GPHN: variants seen among roughly 807,000 people sequenced by gnomAD.
The protein encoded by GPHN is gephyrin.
GPHN carries 17 observed loss-of-function variants against 95.5 expected under a neutral mutation model. The observed-to-expected ratio is 0.18, with a 90% CI of 0.12 to 0.27. GPHN has a LOEUF of 0.27. GPHN is among the 10% of genes least tolerant of loss of function. GPHN has a pLI of 1.00. For synonymous variants in GPHN, 320 were observed against 322.5 expected (o/e 0.99, Z 0.08); for missense variants, 660 against 978.1 (o/e 0.67, Z 4.34).
At chr14:66,679,418 G>T (rs944205689) in intron 1 of GPHN, among the ~76,000 whole-genome samples, 1 of 151,914 alleles carries the variant, frequency 6.6e-6, no homozygotes, top group African/African-American at 2.4e-5. Context: ...GTTGGTTGTG[G>T]TTTTTTTCAC....
intron 17 of GPHN, among the ~76,000 whole-genome samples, chr14:67,134,149 G>T (rs1198851243): frequency 6.6e-6 from 1 of 152,162 alleles, no homozygotes; most frequent in African/African-American, 2.4e-5. Context: ...CACCCAAGGG[G>T]GTGTTAAGGA....
rs1337335899 is a variant in GPHN, at chr14:66,508,493, C to T, written c.-35C>T. Reference sequence around the variant, plus strand: ...GCGCGCTCCGGGCTCCGGTTTCTCCCGGCTCCTGTCAGTGCGGTGACTGCG... The same window carrying T: ...GCGCGCTCCGGGCTCCGGTTTCTCCTGGCTCCTGTCAGTGCGGTGACTGCG... On this transcript the variant is annotated 5_prime_UTR_variant, in exon 1 of 23. Transcript: ENST00000478722. 5 of 1,606,756 alleles carry T rather than the reference C, an allele frequency of 3.1e-6. No individual in the cohort carries two copies. The Admixed American group carries it at 5.0e-5, about 16-fold the overall frequency.
chr14:66,965,864 G>A (rs2069288365), intron 9 of GPHN, among the ~76,000 whole-genome samples: 1 of 141,910 alleles, frequency 7.0e-6, no homozygotes, highest in Admixed American at 7.1e-5. Context: ...TGGGAAGAGG[G>A]TAGAAGTTTC....
rs2072959773 is a variant in GPHN at position 66,743,314 on chromosome 14, A to G, written c.144-33150A>G. On this transcript the variant is annotated intron_variant, in intron 2 of 22. Transcript: ENST00000478722. The stretch of plus-strand genomic sequence containing the variant: ...CTAGTCTTTATCTACAAACTTAGAG[A>G]AAATTAATTACTTTTCAAGGTAACA... Among the ~76,000 whole-genome samples, 4 of 152,016 alleles carry G rather than the reference A, an allele frequency of 2.6e-5. No homozygotes were observed. In the South Asian group the frequency reaches 8.3e-4, roughly 32 times the overall value.
chr14:66,770,768 TGAGA>T (rs1351673825), intron 2 of GPHN, among the ~76,000 whole-genome samples: 2 of 152,142 alleles, frequency 1.3e-5, no homozygotes, highest in Non-Finnish European at 2.9e-5. Context: ...ATATTAATAT[TGAGA>T]GAAAGTTATT....
intron 1 of GPHN, among the ~76,000 whole-genome samples, chr14:66,513,752 T>G (rs1483891809): frequency 2.0e-5 from 3 of 151,836 alleles, no homozygotes; most frequent in Non-Finnish European, 4.4e-5. Flanking sequence ...TTGAGTGACC[T>G]CTCAAAAAGG....
the GPHN span, among the ~76,000 whole-genome samples, chr14:67,637,273 G>A: frequency 1.3e-4 from 19 of 151,960 alleles, no homozygotes; most frequent in Non-Finnish European, 2.5e-4. Context: ...AGCTGGGCAT[G>A]GTGGTGCATG....
intron 1 of GPHN, among the ~76,000 whole-genome samples, chr14:66,620,754 G>C (rs2063255937): frequency 6.6e-6 from 1 of 152,106 alleles, no homozygotes; most frequent in Non-Finnish European, 1.5e-5. Flanking sequence ...ACTCATTTCA[G>C]CTTTAACTCA....
At chr14:66,750,108 G>A (rs963754116) in intron 2 of GPHN, among the ~76,000 whole-genome samples, 2 of 151,832 alleles carry the variant, frequency 1.3e-5, no homozygotes, top group African/African-American at 4.8e-5. Flanking sequence ...CTAACCTACT[G>A]TTTCTTTCTT....
chr14:66,659,369 C>G (rs2065500764), intron 1 of GPHN, among the ~76,000 whole-genome samples: 1 of 151,826 alleles, frequency 6.6e-6, no homozygotes. Flanking sequence ...AGAACATGGT[C>G]TATATTGAAA....
At chr14:67,674,625 G>A in the GPHN span, 2 of 629,660 alleles carry the variant, frequency 3.2e-6, no homozygotes, top group African/African-American at 1.9e-5. Flanking sequence ...AGGCTCTTCC[G>A]GAGCCGCGGC....
the GPHN span, chr14:67,656,565 T>C: frequency 4.3e-4 from 697 of 1,612,072 alleles, no homozygotes; most frequent in Non-Finnish European, 5.4e-4. Context: ...TGCAGAAGCA[T>C]TGCCCTTTGA....
the GPHN span, among the ~76,000 whole-genome samples, chr14:67,654,960 C>T: frequency 4.6e-5 from 6 of 131,544 alleles, no homozygotes; most frequent in Admixed American, 1.8e-4. Context: ...ACCTGGGAGG[C>T]GGAGCTTGCA....
chr14:67,258,502 C>G, the GPHN span, among the ~76,000 whole-genome samples: 1 of 152,176 alleles, frequency 6.6e-6, no homozygotes, highest in African/African-American at 2.4e-5. Context: ...CTTACTGCAG[C>G]CTTGACCTCC....
At chr14:67,215,675 A>G in the GPHN span, among the ~76,000 whole-genome samples, 8 of 152,182 alleles carry the variant, frequency 5.3e-5, no homozygotes, top group Non-Finnish European at 1.0e-4. Flanking sequence ...ATAAGTGAGT[A>G]TGACTTTATT....
intron 1 of GPHN, among the ~76,000 whole-genome samples, chr14:66,663,872 A>C (rs2065799248): frequency 6.6e-6 from 1 of 152,150 alleles, no homozygotes; most frequent in African/African-American, 2.4e-5. Context: ...AAGATCAATA[A>C]AGACAAAGAA....
the GPHN span, chr14:67,727,485 G>GTTT: frequency 6.2e-5 from 16 of 259,566 alleles, no homozygotes; most frequent in East Asian, 2.1e-4. Context: ...TGTTTTTTTT[G>GTTT]TTTTTTTTTT....
intron 1 of GPHN, among the ~76,000 whole-genome samples, chr14:66,604,791 C>G (rs1054032059): frequency 2.0e-5 from 3 of 151,976 alleles, no homozygotes; most frequent in African/African-American, 7.3e-5. Context: ...TATAGATGAT[C>G]CTGTCACCCA....
intron 1 of GPHN, among the ~76,000 whole-genome samples, chr14:66,596,579 G>C (rs748032316): frequency 6.6e-6 from 1 of 152,172 alleles, no homozygotes; most frequent in Non-Finnish European, 1.5e-5. Context: ...CCCTGAATGT[G>C]TGCACACCTG....
Sources: allele counts gnomAD v4.1 joint callset (sites outside exome capture counted in the v4.1 genomes callset), GRCh38; gene constraint gnomAD v4.1.1; transcripts MANE v1.5; gene names NCBI Gene and HGNC (gene_info 2026-07-23, HGNC 2026-07-21).